The following CADPS variants were observed in gnomAD, a reference collection of about 807,000 sequenced individuals.
The protein encoded by CADPS is calcium-dependent secretion activator 1.
A neutral mutation model predicts 167.3 loss-of-function variants in CADPS; 57 were observed. The ratio of observed to expected loss-of-function variants is 0.34; its 90% CI spans 0.28 to 0.42. The LOEUF (loss-of-function observed/expected upper bound fraction) is 0.42, where lower values mean the gene tolerates loss of function less well. Ranked by LOEUF, CADPS falls within the 20% of genes least tolerant of loss-of-function variation. CADPS has a pLI of 1.00. For synonymous variants in CADPS, 676 were observed against 635.3 expected, an observed-to-expected ratio of 1.06 and a Z score of -0.96; for missense variants, 1,414 against 1,738.1, an observed-to-expected ratio of 0.81 and a Z score of 3.32.
intron 1 of CADPS, among the ~76,000 whole-genome samples, chr3:62,804,773 CTTTA>C (rs967071840): frequency 1.8e-4 from 27 of 152,018 alleles, no homozygotes; most frequent in Non-Finnish European, 2.5e-4. Context: ...TATATTTTAT[CTTTA>C]TTTATTTATA....
chr3:62,608,351 CGGCTCACGTCAACCTCCACCTCCCG>C (rs1251725680), intron 6 of CADPS, among the ~76,000 whole-genome samples: 7 of 151,264 alleles, frequency 4.6e-5, no homozygotes, highest in Non-Finnish European at 8.8e-5. Flanking sequence ...GGCACAATCT[CGGCTCACGTCAACCTCCACCTCCCG>C]GGCTCACGTG....
At chr3:62,556,994 AACACACACACACACACACACACACACAC>A (rs56228621) in intron 10 of CADPS, among the ~76,000 whole-genome samples, 3 of 143,558 alleles carry the variant, frequency 2.1e-5, no homozygotes, top group African/African-American at 5.3e-5. Context: ...GGTGAAAAAC[AACACACACACACACACACACACACACAC>A]ACACACACAC....
At chr3:62,548,735 G>T (rs74741818) in intron 11 of CADPS, among the ~76,000 whole-genome samples, 364 of 152,338 alleles carry the variant, frequency 2.4e-3, no homozygotes, top group African/African-American at 8.1e-3. Context: ...CTCTGCATTT[G>T]CATTTGTTTT....
At chr3:62,539,048 A>C (rs995289731) in intron 11 of CADPS, among the ~76,000 whole-genome samples, 2 of 152,192 alleles carry the variant, frequency 1.3e-5, no homozygotes, top group African/African-American at 4.8e-5. Context: ...TTCATTTTCA[A>C]AAAGTAACCT....
chr3:62,724,189 CT>C (rs2076325918), intron 3 of CADPS, among the ~76,000 whole-genome samples: 1 of 152,206 alleles, frequency 6.6e-6, no homozygotes, highest in African/African-American at 2.4e-5. Context: ...CTCTGCTGCA[CT>C]TTCATTCACC....
At chr3:62,817,561 C>T (rs1337028563) in intron 1 of CADPS, among the ~76,000 whole-genome samples, 1 of 152,162 alleles carries the variant, frequency 6.6e-6, no homozygotes, top group African/African-American at 2.4e-5. Context: ...TCCCTTAGAA[C>T]CATGAGCTAT....
At chr3:62,657,000 G>C (rs566104443) in intron 4 of CADPS, among the ~76,000 whole-genome samples, 3 of 152,206 alleles carry the variant, frequency 2.0e-5, no homozygotes, top group East Asian at 3.9e-4. Flanking sequence ...TTGTTTAACT[G>C]TTCAGGCAAC....
intron 1 of CADPS, among the ~76,000 whole-genome samples, chr3:62,808,423 C>T (rs1465198433): frequency 6.6e-6 from 1 of 152,078 alleles, no homozygotes; most frequent in Non-Finnish European, 1.5e-5. Flanking sequence ...TTCTTAAAGT[C>T]TTCAGGGTCA....
intron 12 of CADPS, among the ~76,000 whole-genome samples, chr3:62,534,575 T>G (rs2074319107): frequency 6.6e-6 from 1 of 152,234 alleles, no homozygotes; most frequent in Non-Finnish European, 1.5e-5. Context: ...AAATATATTT[T>G]CTACGACTCA....
At position 62,478,444 on chromosome 3, in the gene CADPS, A is replaced by T. The variant is rs2061579233; in HGVS notation, c.3174-28T>A. 6.2e-7 allele frequency: 1 copy of T among 1,602,432 alleles called. No homozygotes were observed. The highest frequency in any genetic ancestry group is 8.5e-7 in the Non-Finnish European group (1 of 1,173,430). ...GGCAGGACAAAAATTAGAAAATGAG[A>T]GTCACCCACTGGCCTCAGGCTCTAC... On this transcript the variant is annotated intron_variant, in intron 22 of 29. Transcript: ENST00000383710. The surrounding 1 kb of genome is among the most constrained non-coding windows in gnomAD (Gnocchi z 5.7).
chr3:62,531,450 T>C (rs1456065567), intron 13 of CADPS, among the ~76,000 whole-genome samples: 1 of 152,198 alleles, frequency 6.6e-6, no homozygotes, highest in Non-Finnish European at 1.5e-5. Context: ...TTCAAACCTA[T>C]GATGCTATTG....
intron 1 of CADPS, among the ~76,000 whole-genome samples, chr3:62,794,033 A>G (rs1225550697): frequency 6.6e-6 from 1 of 152,180 alleles, no homozygotes; most frequent in East Asian, 1.9e-4. Context: ...TAAAATATAC[A>G]CTCAAAATCT....
chr3:62,754,801 A>G (rs1305413161), intron 2 of CADPS, among the ~76,000 whole-genome samples: 1 of 152,198 alleles, frequency 6.6e-6, no homozygotes, highest in Non-Finnish European at 1.5e-5. Context: ...TATTATTATT[A>G]TATGTAAAGT....
In CADPS at chr3:62,617,186, T is replaced by C. The variant is rs149664894; in HGVS notation, c.1326-24438A>G. On this transcript the variant is annotated intron_variant, in intron 6 of 29. Transcript: ENST00000383710. Reference sequence around the variant, plus strand: ...CACAGAGGAACTAAACAGTTTGGTATAGTTCAAGAAATGTCCCAAGTGAGA... The same window carrying C: ...CACAGAGGAACTAAACAGTTTGGTACAGTTCAAGAAATGTCCCAAGTGAGA... Among the ~76,000 whole-genome samples the C allele has an allele frequency of 3.4e-3, 517 of 152,240 alleles. 4 individuals are homozygous for C. Among genetic ancestry groups the C allele is most frequent in the African/African-American group, 0.012 (489 of 41,558 alleles).
At chr3:62,781,380 A>G (rs533576559) in intron 1 of CADPS, among the ~76,000 whole-genome samples, 21 of 152,268 alleles carry the variant, frequency 1.4e-4, no homozygotes, top group African/African-American at 5.1e-4. Flanking sequence ...TAGAAATACA[A>G]AAGTCACTCC....
intron 13 of CADPS, 77 bp from the exon 14 acceptor site, chr3:62,518,327 A>G: frequency 9.1e-7 from 1 of 1,098,912 alleles, no homozygotes; most frequent in East Asian, 2.4e-5. Flanking sequence ...GCAGGAGGAA[A>G]CTGTCCATTT....
At chr3:62,481,526 A>C (rs760012688) in intron 22 of CADPS, among the ~76,000 whole-genome samples, 197 bp downstream of exon 22, 1 of 152,228 alleles carries the variant, frequency 6.6e-6, no homozygotes, top group Non-Finnish European at 1.5e-5. Flanking sequence ...ACAAATTGTT[A>C]GTGCTGTATA....
At chr3:62,466,299 G>T in intron 25 of CADPS, 40 bp downstream of exon 25, 2 of 1,331,270 alleles carry the variant, frequency 1.5e-6, no homozygotes, top group Non-Finnish European at 2.2e-6. Flanking sequence ...TAACAAAGCA[G>T]TGTTCACAAT....
At chr3:62,587,859 G>C (rs1163015839) in intron 7 of CADPS, among the ~76,000 whole-genome samples, 1 of 152,208 alleles carries the variant, frequency 6.6e-6, no homozygotes, top group African/African-American at 2.4e-5. Context: ...CCCCCACCCT[G>C]CCATGCCTCT....
Sources: allele counts gnomAD v4.1 joint callset (sites outside exome capture counted in the v4.1 genomes callset), GRCh38; gene constraint gnomAD v4.1.1; non-coding constraint Gnocchi (gnomAD v3.1); transcripts MANE v1.5; gene names NCBI Gene and HGNC (gene_info 2026-07-23, HGNC 2026-07-21).